Variants in TEKT5 observed in about 807,000 individuals in gnomAD.
The protein encoded by TEKT5 is tektin 5, also known as tektin-5.
In TEKT5, 52 loss-of-function variants were observed where a neutral mutation model predicts 48.7. The observed-to-expected ratio is 1.07, with a 90% confidence interval of 0.86 to 1.35. The LOEUF (loss-of-function observed/expected upper bound fraction) is 1.35, where lower values mean the gene tolerates loss of function less well. Among genes scored for constraint, TEKT5 ranks in the 40% most tolerant of loss-of-function variants. TEKT5 has a pLI of 0.00. For synonymous variants in TEKT5, 318 were observed against 267.6 expected, an observed-to-expected ratio of 1.19 and a Z score of -1.84; for missense variants, 831 against 641.6, an observed-to-expected ratio of 1.30 and a Z score of -3.19.
In TEKT5 at chr16:10,694,738, A is replaced by T. The variant is rs768747385; in HGVS notation, c.136T>A (p.Tyr46Asn). Reference protein sequence around the residue: ...YQPYYLPGYRYLNSWRPSLFY... With the variant: ...YQPYYLPGYRNLNSWRPSLFY... ...AGGCTAGGCCTCCATGAATTGAGGT[A>T]GCGGTACCCGGGCAGGTAGTAGGGC... The change falls in exon 1 of 7, where the codon TAC (tyrosine) becomes AAC (asparagine). Residue 46 changes from tyrosine (Y) to asparagine (N), a missense_variant. Physicochemically the swap from Tyr to Asn is moderately radical, Grantham distance 143. Coordinates refer to ENST00000283025, the MANE Select transcript of TEKT5 (RefSeq NM_144674.2). 1 of 1,614,126 alleles carries T rather than the reference A, an allele frequency of 6.2e-7. No homozygotes were observed. The highest frequency in any genetic ancestry group is 1.1e-5 in the South Asian group (1 of 91,084).
chr16:10,636,389 G>A (rs572087698), intron 5 of TEKT5, among the ~76,000 whole-genome samples: 4 of 137,848 alleles, frequency 2.9e-5, no homozygotes, highest in Middle Eastern at 3.6e-3. Context: ...AAAAAAAAAA[G>A]GGTTAGAAAC....
chr16:10,631,387 T>C (rs1382431306), intron 6 of TEKT5, among the ~76,000 whole-genome samples: 1 of 148,954 alleles, frequency 6.7e-6, no homozygotes, highest in Non-Finnish European at 1.5e-5. Context: ...GGGAATGGCA[T>C]GCTGACTCGA....
rs752766391 is a variant in TEKT5 at position 10,694,923 on chromosome 16, G to C, written c.-50C>G. ...CAAAACTCAGCTCAAGGAGCCAAAG[G>C]CATCACCAGGAAAGGTGAAAGTGCT... On this transcript the variant is annotated 5_prime_UTR_variant, in exon 1 of 7. Coordinates refer to ENST00000283025, the MANE Select transcript of TEKT5 (RefSeq NM_144674.2). 1.3e-6 allele frequency: 2 copies of C among 1,487,276 alleles called. No individual in the cohort carries two copies. The highest frequency in any genetic ancestry group is 1.4e-5 in the South Asian group (1 of 73,648). The allele number at this position is 1,487,276 out of a possible 1,614,324, so 92.1% of individuals were successfully genotyped here.
chr16:10,662,297 G>C (rs540122230), intron 5 of TEKT5, among the ~76,000 whole-genome samples: 2 of 152,342 alleles, frequency 1.3e-5, no homozygotes, highest in South Asian at 4.1e-4. Flanking sequence ...GAGAACTGCT[G>C]CTTTAGATGT....
chr16:10,651,793 C>T (rs113951310), intron 5 of TEKT5, among the ~76,000 whole-genome samples: 1 of 152,068 alleles, frequency 6.6e-6, no homozygotes, highest in East Asian at 1.9e-4. Context: ...AACCCCGTCT[C>T]TACTAAAAAT....
intron 1 of TEKT5, among the ~76,000 whole-genome samples, chr16:10,692,378 C>T (rs1250284896): frequency 6.6e-6 from 1 of 152,138 alleles, no homozygotes. Context: ...CCATGTCTCC[C>T]AGGGAGATCC....
At chr16:10,690,395 T>A (rs939115900) in intron 1 of TEKT5, among the ~76,000 whole-genome samples, 1 of 152,228 alleles carries the variant, frequency 6.6e-6, no homozygotes, top group Non-Finnish European at 1.5e-5. Context: ...TTGGCGGCCA[T>A]CTTCCATGTA....
chr16:10,664,396 G>T (rs1410433393), intron 5 of TEKT5, among the ~76,000 whole-genome samples: 1 of 152,224 alleles, frequency 6.6e-6, no homozygotes, highest in Non-Finnish European at 1.5e-5. Context: ...CTGATTCAGT[G>T]GGTCCTGGAT....
intron 5 of TEKT5, among the ~76,000 whole-genome samples, chr16:10,673,756 T>C (rs1421406307): frequency 1.3e-5 from 2 of 151,018 alleles, no homozygotes; most frequent in Non-Finnish European, 2.9e-5. Context: ...GTTCAAATGA[T>C]TCTCCCGCCT....
chr16:10,683,207 C>T (rs1248372807), intron 3 of TEKT5, among the ~76,000 whole-genome samples: 1 of 142,766 alleles, frequency 7.0e-6, no homozygotes, highest in African/African-American at 2.7e-5. Flanking sequence ...AATTCCAAGC[C>T]GACAACATCA....
intron 1 of TEKT5, chr16:10,692,668 C>T (rs193224307): frequency 6.6e-6 from 1 of 152,316 alleles, no homozygotes; most frequent in African/African-American, 2.4e-5. Flanking sequence ...ACACGACGGA[C>T]CTTCTAGAAA....
Position 10,627,516 on chromosome 16 carries a change from T to G in TEKT5, c.*67A>C. 1 of 1,522,104 alleles carries G rather than the reference T, an allele frequency of 6.6e-7. No homozygotes were observed. Among genetic ancestry groups the G allele is most frequent in the Non-Finnish European group, 9.1e-7 (1 of 1,103,216 alleles). 94.3% of individuals were successfully genotyped at this position (1,522,104 alleles called of 1,614,324 possible). ...AAGTCGGCCCTTTCAAACAAAATAC[T>G]GTTTTACTTTGTTTCTCAGCCTTTT... On this transcript the variant is annotated 3_prime_UTR_variant, in exon 7 of 7. Transcript: ENST00000283025.
At chr16:10,631,809 A>T (rs1445032712) in intron 6 of TEKT5, among the ~76,000 whole-genome samples, 1 of 152,212 alleles carries the variant, frequency 6.6e-6, no homozygotes, top group Non-Finnish European at 1.5e-5. Flanking sequence ...GGAGAGTGGA[A>T]GGGAACAGAG....
At chr16:10,686,278 G>C (rs562580694) in intron 3 of TEKT5, among the ~76,000 whole-genome samples, 78 of 152,166 alleles carry the variant, frequency 5.1e-4, no homozygotes, top group African/African-American at 1.8e-3. Context: ...TCACACTGCA[G>C]ACAAAAATCA....
At chr16:10,654,196 A>G (rs1012903109) in intron 5 of TEKT5, among the ~76,000 whole-genome samples, 1 of 152,150 alleles carries the variant, frequency 6.6e-6, no homozygotes, top group African/African-American at 2.4e-5. Flanking sequence ...AACTACAGGC[A>G]CATGCTACCA....
rs571553056 is a variant in TEKT5, at chr16:10,643,885, A to G, written c.1087-7967T>C. Among the ~76,000 whole-genome samples, 5 of 152,012 alleles carry G rather than the reference A, an allele frequency of 3.3e-5. No homozygotes were observed. The East Asian group carries it at 9.7e-4, about 29-fold the overall frequency. ...AGACCCCCGTCTCTACTAAAAATAGAAAAAAAATTAGCCAGATGTGGTGGC... is the reference window on the plus strand; with the variant it reads ...AGACCCCCGTCTCTACTAAAAATAGGAAAAAAATTAGCCAGATGTGGTGGC... On this transcript the variant is annotated intron_variant, in intron 5 of 6. Transcript: ENST00000283025.
chr16:10,679,920 A>ATAAATAAATAAATAAATAAATAAC (rs1555467320), intron 4 of TEKT5, among the ~76,000 whole-genome samples: 2 of 152,074 alleles, frequency 1.3e-5, no homozygotes, highest in Non-Finnish European at 2.9e-5. Context: ...AAATAAATAA[A>ATAAATAAATAAATAAATAAATAAC]TAAGAAAACC....
intron 5 of TEKT5, among the ~76,000 whole-genome samples, chr16:10,655,793 T>C (rs746834571): frequency 1.3e-5 from 2 of 152,190 alleles, no homozygotes; most frequent in Non-Finnish European, 2.9e-5. Flanking sequence ...GGTCTAAGTG[T>C]GAAAAATAAA....
intron 5 of TEKT5, among the ~76,000 whole-genome samples, chr16:10,662,387 G>T (rs978657280): frequency 7.9e-5 from 12 of 152,192 alleles, no homozygotes; most frequent in Non-Finnish European, 1.8e-4. Context: ...ATCTAGAGCA[G>T]GACTTGTGGA....
Sources: gnomAD v4.1 joint callset for allele counts (sites outside exome capture counted in the v4.1 genomes callset) on GRCh38, gnomAD v4.1.1 for gene constraint, MANE v1.5 for transcripts, NCBI Gene and HGNC (gene_info 2026-07-23, HGNC 2026-07-21) for gene names.